ATP2B2: variants seen among roughly 807,000 people sequenced by gnomAD.
ATP2B2 encodes plasma membrane calcium-transporting ATPase 2.
A neutral mutation model predicts 120.0 loss-of-function variants in ATP2B2; 15 were observed. The observed-to-expected ratio is 0.12, with a 90% CI of 0.08 to 0.19. ATP2B2 has a LOEUF of 0.19. Among genes scored for constraint, ATP2B2 ranks in the 10% least tolerant of loss-of-function variants. The pLI is 1.00. For synonymous variants in ATP2B2, 694 were observed against 700.3 expected, an observed-to-expected ratio of 0.99 and a Z score of 0.14; for missense variants, 1,045 against 1,719.8, an observed-to-expected ratio of 0.61 and a Z score of 6.94.
intron 1 of ATP2B2, among the ~76,000 whole-genome samples, chr3:10,671,492 G>T (rs1170429885): frequency 6.6e-6 from 1 of 152,172 alleles, no homozygotes; most frequent in Admixed American, 6.5e-5. Flanking sequence ...CACATCCCAG[G>T]AAGTCTCTTA....
intron 1 of ATP2B2, among the ~76,000 whole-genome samples, chr3:10,495,746 C>T (rs189937705): frequency 6.6e-6 from 1 of 152,186 alleles, no homozygotes; most frequent in African/African-American, 2.4e-5. Context: ...CAGGAGTGGC[C>T]CAGGCCACAT....
At chr3:10,582,315 G>A (rs2068409843) in intron 2 of ATP2B2, among the ~76,000 whole-genome samples, 1 of 152,084 alleles carries the variant, frequency 6.6e-6, no homozygotes. Context: ...CCCCCAAGTT[G>A]ACGGCCATTG....
Position 10,379,769 on chromosome 3 carries a change from G to A in ATP2B2, c.1001-485C>T, listed in dbSNP as rs1422059257. 2.0e-5 allele frequency among the ~76,000 whole-genome samples: 3 copies of A among 148,932 alleles called. No individual in the cohort carries two copies. The Admixed American group carries it at 2.1e-4, about 10-fold the overall frequency. On this transcript the variant is annotated intron_variant, in intron 8 of 22. Transcript: ENST00000360273. Reference sequence around the variant, plus strand: ...GCAGTAGAGAGAGGGGAGAGGGGGAGAGAGAGAGAAAGAGAGACAGAGAGA... The same window carrying A: ...GCAGTAGAGAGAGGGGAGAGGGGGAAAGAGAGAGAAAGAGAGACAGAGAGA...
At chr3:10,511,191 G>A (rs1187153740) in intron 3 of ATP2B2, among the ~76,000 whole-genome samples, 2 of 152,012 alleles carry the variant, frequency 1.3e-5, no homozygotes, top group Non-Finnish European at 2.9e-5. Flanking sequence ...TCTCTGCCTG[G>A]AGAACTCCTA....
chr3:10,452,177 C>G (rs146215626), intron 1 of ATP2B2, among the ~76,000 whole-genome samples: 2 of 152,254 alleles, frequency 1.3e-5, no homozygotes, highest in Non-Finnish European at 2.9e-5. Flanking sequence ...GGAGATGCCA[C>G]GGAGTGGAAG....
At chr3:10,698,793 C>G (rs1451039245) in intron 1 of ATP2B2, among the ~76,000 whole-genome samples, 4 of 152,210 alleles carry the variant, frequency 2.6e-5, no homozygotes, top group Non-Finnish European at 4.4e-5. Context: ...GACAACGGCT[C>G]CTTTTGCCAC....
chr3:10,471,398 GTT>G (rs1251353806), intron 1 of ATP2B2, among the ~76,000 whole-genome samples: 1 of 148,070 alleles, frequency 6.8e-6, no homozygotes, highest in Non-Finnish European at 1.5e-5. Context: ...GTGTGTGTGT[GTT>G]TGTGTGCGTG....
chr3:10,333,729 A>C (rs2060043146), intron 22 of ATP2B2, among the ~76,000 whole-genome samples: 1 of 152,154 alleles, frequency 6.6e-6, no homozygotes, highest in Admixed American at 6.5e-5. Flanking sequence ...ATTCTCCAGG[A>C]GGCATGAAGA....
chr3:10,505,030 C>G (rs1392924876), intron 1 of ATP2B2, among the ~76,000 whole-genome samples: 2 of 152,198 alleles, frequency 1.3e-5, no homozygotes, highest in African/African-American at 4.8e-5. Flanking sequence ...CGGGCACCCT[C>G]CAGTCCTCTT....
At chr3:10,507,395 T>C (rs2066663895), upstream of ATP2B2, among the ~76,000 whole-genome samples, 1 of 151,920 alleles carries the variant, frequency 6.6e-6, no homozygotes, top group Admixed American at 6.6e-5. Flanking sequence ...AAGTCAGCAG[T>C]CCCTAGTCAG....
intron 2 of ATP2B2, among the ~76,000 whole-genome samples, chr3:10,588,388 G>A (rs575971800): frequency 6.6e-6 from 1 of 152,314 alleles, no homozygotes; most frequent in Non-Finnish European, 1.5e-5. Context: ...ATGCTGTCTT[G>A]AGTGCCCAGC....
Position 10,340,311 on chromosome 3 carries a change from G to A in ATP2B2, c.3168C>T (p.Cys1056=), listed in dbSNP as rs1271412917. 5 of 1,614,124 alleles carry A rather than the reference G, an allele frequency of 3.1e-6. No individual in the cohort carries two copies. The highest frequency in any genetic ancestry group is 1.3e-5 in the African/African-American group (1 of 74,948). ...IVQFGGKPFS[C]SPLQLDQWMW... is the part of the protein sequence containing the mutation. ...TCCACTGGTCCAGCTGCAGTGGAGA[G>A]CAGCTGAATGGCTTCCCTCCAAACT... is the stretch of plus-strand genomic sequence containing the variant. Residue 1056 remains cysteine, a synonymous_variant, in exon 21 of 23, where the codon TGC becomes TGT. Coordinates refer to ENST00000360273, the MANE Select transcript of ATP2B2 (RefSeq NM_001001331.4). The surrounding 1 kb of genome is among the most constrained non-coding windows in gnomAD (Gnocchi z 5.0).
intron 2 of ATP2B2, among the ~76,000 whole-genome samples, chr3:10,579,489 A>T (rs9841592): frequency 6.6e-6 from 1 of 152,138 alleles, no homozygotes; most frequent in Non-Finnish European, 1.5e-5. Flanking sequence ...CCTGGCTAAC[A>T]TGGTGAAACC....
At chr3:10,680,325 G>A (rs995247) in intron 1 of ATP2B2, among the ~76,000 whole-genome samples, 109,513 of 151,416 alleles carry the variant, frequency 0.72, 39,632 homozygotes, top group Non-Finnish European at 0.75. Flanking sequence ...TGAGGGTTCT[G>A]GAGGCCCAGG....
At chr3:10,632,118 T>C (rs1443987069) in intron 1 of ATP2B2, among the ~76,000 whole-genome samples, 1 of 152,242 alleles carries the variant, frequency 6.6e-6, no homozygotes, top group Non-Finnish European at 1.5e-5. Context: ...ATGGGCTGAA[T>C]CCAGCCTGCA....
intron 19 of ATP2B2, among the ~76,000 whole-genome samples, chr3:10,341,831 T>G (rs1047813063): frequency 6.6e-6 from 1 of 152,242 alleles, no homozygotes; most frequent in African/African-American, 2.4e-5. Flanking sequence ...AGCTTTTTCA[T>G]GATAAGTTTT....
chr3:10,492,694 T>A (rs1256505207), intron 1 of ATP2B2, among the ~76,000 whole-genome samples: 1 of 152,170 alleles, frequency 6.6e-6, no homozygotes, highest in Non-Finnish European at 1.5e-5. Context: ...TCCTTCTCCC[T>A]CTGGGGTGTC....
intron 1 of ATP2B2, among the ~76,000 whole-genome samples, chr3:10,657,256 T>G (rs13075090): frequency 0.47 from 71,262 of 152,122 alleles, 19,157 homozygotes; most frequent in Non-Finnish European, 0.6. Context: ...TTTACACCCC[T>G]GTGCCTTTGC....
intron 1 of ATP2B2, among the ~76,000 whole-genome samples, chr3:10,680,694 C>G (rs924683381): frequency 6.6e-6 from 1 of 152,168 alleles, no homozygotes; most frequent in South Asian, 2.1e-4. Flanking sequence ...TAATAGAAAC[C>G]TTTTACACAT....
Sources: gnomAD v4.1 joint callset for allele counts (sites outside exome capture counted in the v4.1 genomes callset) on GRCh38, gnomAD v4.1.1 for gene constraint, Gnocchi (gnomAD v3.1) non-coding constraint, MANE v1.5 for transcripts, NCBI Gene and HGNC (gene_info 2026-07-23, HGNC 2026-07-21) for gene names.